The following XRCC5 variants were observed in gnomAD, a reference collection of about 807,000 sequenced individuals.
XRCC5 encodes DNA repair protein Ku80.
In XRCC5, 12 loss-of-function variants were observed where a neutral mutation model predicts 95.7. The ratio of observed to expected loss-of-function variants is 0.13; its 90% CI spans 0.08 to 0.20. XRCC5 has a LOEUF of 0.20. XRCC5 is among the 10% of genes least tolerant of loss of function. The pLI, the probability that XRCC5 is intolerant of heterozygous loss-of-function variation, is 1.00. For synonymous variants in XRCC5, 281 were observed against 290.3 expected (o/e 0.97, Z 0.33); for missense variants, 595 against 873.9 (o/e 0.68, Z 4.02).
At chr2:216,187,743 T>A (rs1689522733) in intron 16 of XRCC5, among the ~76,000 whole-genome samples, 1 of 147,434 alleles carries the variant, frequency 6.8e-6, no homozygotes, top group South Asian at 2.2e-4. Context: ...CTCTTTCCTT[T>A]AAATAATCTC....
intron 16 of XRCC5, among the ~76,000 whole-genome samples, chr2:216,174,148 A>G (rs947824123): frequency 4.1e-5 from 6 of 145,992 alleles, no homozygotes; most frequent in Admixed American, 4.1e-4. Context: ...CTTTGTGGGG[A>G]GCTTTTGTTT....
chr2:216,145,522 A>G (rs1228123753), intron 13 of XRCC5, among the ~76,000 whole-genome samples: 3 of 152,256 alleles, frequency 2.0e-5, no homozygotes, highest in Non-Finnish European at 4.4e-5. Flanking sequence ...TAAAAGAGAA[A>G]TAAATAGGTG....
chr2:216,163,567 G>GTGAGCCACGGTGGCA (rs56220339), intron 16 of XRCC5, among the ~76,000 whole-genome samples: 2,183 of 151,716 alleles, frequency 0.014, 50 homozygotes, highest in African/African-American at 0.05. Flanking sequence ...TGGGATTACT[G>GTGAGCCACGGTGGCA]TGAGCCACGG....
At chr2:216,130,362 A>G (rs534071114) in intron 8 of XRCC5, among the ~76,000 whole-genome samples, 8 of 152,174 alleles carry the variant, frequency 5.3e-5, no homozygotes, top group Admixed American at 1.3e-4. Context: ...TATATAACTT[A>G]TCAATTGAAT....
At chr2:216,190,369 C>T in intron 17 of XRCC5, 35 bp downstream of exon 17, 9 of 1,573,974 alleles carry the variant, frequency 5.7e-6, no homozygotes, top group Non-Finnish European at 7.9e-6. Flanking sequence ...TCTTCCTAAA[C>T]AGTTGGCGAC....
intron 14 of XRCC5, among the ~76,000 whole-genome samples, chr2:216,158,586 G>T (rs947339273): frequency 6.6e-6 from 1 of 151,512 alleles, no homozygotes; most frequent in Non-Finnish European, 1.5e-5. Flanking sequence ...ATTTTTCCAC[G>T]AAGGCTGTGT....
intron 19 of XRCC5, among the ~76,000 whole-genome samples, chr2:216,201,861 G>T (rs1480002948): frequency 6.6e-6 from 1 of 152,176 alleles, no homozygotes; most frequent in Non-Finnish European, 1.5e-5. Flanking sequence ...AGTGATATGT[G>T]GAAGAGATCA....
chr2:216,141,601 G>T, intron 13 of XRCC5, among the ~76,000 whole-genome samples: 1 of 120,382 alleles, frequency 8.3e-6, no homozygotes. Flanking sequence ...AAAAAATACA[G>T]GAAGGCCAGT....
At chr2:216,189,417 C>T (rs192700531) in intron 16 of XRCC5, among the ~76,000 whole-genome samples, 1 of 152,342 alleles carries the variant, frequency 6.6e-6, no homozygotes, top group Admixed American at 6.5e-5. Flanking sequence ...TTGATCTGCA[C>T]AGCATTAAGT....
At chr2:216,197,888 G>T (rs1258454070) in intron 19 of XRCC5, among the ~76,000 whole-genome samples, 1 of 152,050 alleles carries the variant, frequency 6.6e-6, no homozygotes, top group Non-Finnish European at 1.5e-5. Context: ...ATAACACTTT[G>T]ACTGCTAAAG....
intron 1 of XRCC5, among the ~76,000 whole-genome samples, chr2:216,111,948 CTCT>C (rs768318157): frequency 1.2e-3 from 186 of 152,336 alleles, no homozygotes; most frequent in Non-Finnish European, 1.7e-3. Flanking sequence ...CCCTTCTTTT[CTCT>C]TCTTGAATTC....
chr2:216,147,879 G>C (rs1292401771), intron 13 of XRCC5, among the ~76,000 whole-genome samples: 6 of 152,138 alleles, frequency 3.9e-5, no homozygotes, highest in African/African-American at 1.4e-4. Context: ...GCTAGGCTTG[G>C]ATCTATTTTT....
rs150818238 is a variant in XRCC5 at position 216,160,882 on chromosome 2, G to A, written c.1764+721G>A. ...CTAAGGGTACATGCCACCATACCCG[G>A]CTATTTTTCATAGAGGTGGGGTCTC... On this transcript the variant is annotated intron_variant, in intron 15 of 20. Transcript: ENST00000392132. Among the ~76,000 whole-genome samples the A allele has an allele frequency of 4.4e-3, 672 of 152,066 alleles. 2 individuals carry two copies. The highest frequency in any genetic ancestry group is 9.8e-3 in the South Asian group (47 of 4,816).
chr2:216,186,933 A>G (rs1272494868), intron 16 of XRCC5, among the ~76,000 whole-genome samples: 1 of 152,218 alleles, frequency 6.6e-6, no homozygotes, highest in Non-Finnish European at 1.5e-5. Flanking sequence ...ATGGCAGGGA[A>G]ATGTGAAGTG....
intron 6 of XRCC5, among the ~76,000 whole-genome samples, chr2:216,123,614 C>T (rs1451676697): frequency 6.6e-6 from 1 of 152,026 alleles, no homozygotes; most frequent in Admixed American, 6.5e-5. Flanking sequence ...GAGACCAGCC[C>T]AGCCAGCGTG....
rs1036583425 is a variant in XRCC5, at chr2:216,206,245, G to A, written c.*1043G>A. On this transcript the variant is annotated 3_prime_UTR_variant, in exon 21 of 21. Coordinates refer to ENST00000392132, the MANE Select transcript of XRCC5 (RefSeq NM_021141.4). Reference sequence around the variant, plus strand: ...CCTCATAAGTCGTCACTAATACACAGTTTTGTACATGTAACATTAAAGGCA... The same window carrying A: ...CCTCATAAGTCGTCACTAATACACAATTTTGTACATGTAACATTAAAGGCA... The A allele has an allele frequency of 1.3e-4, 20 of 152,168 alleles. No individual in the cohort carries two copies. Among genetic ancestry groups the A allele is most frequent in the Admixed American group, 1.3e-3 (20 of 15,284 alleles). The allele number at this position is 152,168 out of a possible 1,614,324, so 9.4% of individuals were successfully genotyped here. A position where few individuals can be genotyped will look rare whatever the true frequency, so the allele number is the denominator to read the frequency against.
intron 6 of XRCC5, among the ~76,000 whole-genome samples, chr2:216,125,291 A>G (rs1696884010): frequency 6.6e-6 from 1 of 150,438 alleles, no homozygotes; most frequent in Non-Finnish European, 1.5e-5. Context: ...TCCGCCTCCC[A>G]GGTTCAAGTG....
Position 216,116,754 on chromosome 2 carries a change from C to T in XRCC5, c.231C>T (p.Ile77=). Reference sequence around the variant, plus strand: ...CTGGTGGGGATCAGTATCAGAACATCACAGTGCACAGACATCTGATGCTAC... The same window carrying T: ...CTGGTGGGGATCAGTATCAGAACATTACAGTGCACAGACATCTGATGCTAC... ...PLSGGDQYQN[I]TVHRHLMLPD... The change falls in exon 3 of 21, where the codon ATC becomes ATT. Residue 77 remains isoleucine, a synonymous_variant. Coordinates refer to ENST00000392132, the MANE Select transcript of XRCC5 (RefSeq NM_021141.4). The T allele has an allele frequency of 6.2e-7, 1 of 1,614,220 alleles. No individual in the cohort carries two copies. The highest frequency in any genetic ancestry group is 1.1e-5 in the South Asian group (1 of 91,088).
chr2:216,159,871 G>T (rs763115805), intron 14 of XRCC5, among the ~76,000 whole-genome samples, 197 bp from the exon 15 acceptor site: 5 of 152,220 alleles, frequency 3.3e-5, no homozygotes, highest in African/African-American at 1.2e-4. Flanking sequence ...GAGCCCGGTG[G>T]CTAGGAAAGG....
Sources: gnomAD v4.1 joint callset for allele counts (sites outside exome capture counted in the v4.1 genomes callset) on GRCh38, gnomAD v4.1.1 for gene constraint, MANE v1.5 for transcripts, NCBI Gene and HGNC (gene_info 2026-07-23, HGNC 2026-07-21) for gene names.